KLHL2: variants seen among roughly 807,000 people sequenced by gnomAD.
KLHL2 encodes the protein kelch-like protein 2.
A neutral mutation model predicts 75.8 loss-of-function variants in KLHL2; 15 were observed. The ratio of observed to expected loss-of-function variants is 0.20; its 90% CI spans 0.13 to 0.30. The LOEUF is 0.30. KLHL2 is among the 10% of genes least tolerant of loss of function. KLHL2 has a pLI of 1.00. For missense variants in KLHL2, 381 were observed against 741.0 expected, an observed-to-expected ratio of 0.51 and a Z score of 5.64; for synonymous variants, 214 against 251.9, an observed-to-expected ratio of 0.85 and a Z score of 1.42.
rs1746828000 is a variant in KLHL2, at chr4:165,319,712, C to T, written c.1753+1743C>T. Among the ~76,000 whole-genome samples the T allele has an allele frequency of 6.6e-6, 1 of 152,100 alleles. No individual in the cohort carries two copies. Among genetic ancestry groups the T allele is most frequent in the Admixed American group, 6.5e-5 (1 of 15,272 alleles). ...TCTCAGATCACTGCAACCTCCGCCTCCCAGATTCAAACGATTCTCATGCCT... is the reference window on the plus strand; with the variant it reads ...TCTCAGATCACTGCAACCTCCGCCTTCCAGATTCAAACGATTCTCATGCCT... On this transcript the variant is annotated intron_variant, in intron 14 of 14. Transcript: ENST00000226725. The surrounding 1 kb of genome is among the most constrained non-coding windows in gnomAD (Gnocchi z 4.5).
At chr4:165,299,781 C>A in intron 8 of KLHL2, 125 bp downstream of exon 8, 1 of 787,678 alleles carries the variant, frequency 1.3e-6, no homozygotes, top group Non-Finnish European at 2.0e-6. Context: ...AGAAAATGTG[C>A]CTAAGAATGC....
chr4:165,294,703 G>A (rs1181719518), intron 6 of KLHL2, among the ~76,000 whole-genome samples: 4 of 152,106 alleles, frequency 2.6e-5, no homozygotes, highest in Non-Finnish European at 4.4e-5. Flanking sequence ...TTTGTGGGAG[G>A]TTCCCTAAAT....
intron 1 of KLHL2, among the ~76,000 whole-genome samples, chr4:165,214,228 A>G (rs1189716313): frequency 6.6e-6 from 1 of 152,202 alleles, no homozygotes; most frequent in Non-Finnish European, 1.5e-5. Context: ...AATAGTAGGA[A>G]GAGGGGCAAA....
At chr4:165,258,505 G>A (rs1476801900) in intron 4 of KLHL2, among the ~76,000 whole-genome samples, 1 of 151,974 alleles carries the variant, frequency 6.6e-6, no homozygotes, top group Admixed American at 6.6e-5. Context: ...ATTAGATGGT[G>A]GCTGGGGGTT....
intron 4 of KLHL2, among the ~76,000 whole-genome samples, chr4:165,248,735 A>G (rs1579037921): frequency 6.6e-6 from 1 of 152,236 alleles, no homozygotes; most frequent in African/African-American, 2.4e-5. Flanking sequence ...AGCAGATCCT[A>G]GCAAGTCTGC....
intron 5 of KLHL2, among the ~76,000 whole-genome samples, chr4:165,265,062 G>C (rs187075937): frequency 8.6e-5 from 13 of 151,822 alleles, no homozygotes; most frequent in African/African-American, 3.1e-4. Context: ...TTTAATAATA[G>C]CTATTCTGGT....
intron 4 of KLHL2, among the ~76,000 whole-genome samples, chr4:165,243,913 A>G (rs142172850): frequency 0.012 from 1,900 of 152,370 alleles, 35 homozygotes; most frequent in African/African-American, 0.043. Context: ...TGTGTACCCT[A>G]AATATTTTAA....
chr4:165,314,940 G>C (rs1176340968), intron 13 of KLHL2, among the ~76,000 whole-genome samples: 2 of 152,050 alleles, frequency 1.3e-5, no homozygotes. Context: ...CTCCATCAGC[G>C]CTCATCTTAG....
intron 1 of KLHL2, among the ~76,000 whole-genome samples, chr4:165,209,021 G>A (rs1737027960): frequency 6.6e-6 from 1 of 152,196 alleles, no homozygotes; most frequent in Non-Finnish European, 1.5e-5. Context: ...ATTCTGGAAC[G>A]ACAGTTTCTA....
At chr4:165,263,145 A>G (rs757239417) in intron 4 of KLHL2, 52 bp from the exon 5 acceptor site, 14 of 1,594,986 alleles carry the variant, frequency 8.8e-6, no homozygotes, top group Admixed American at 3.3e-5. Context: ...GTGGTCAAAG[A>G]GGCAGTGTTT....
At chr4:165,233,470 G>C (rs1419032799) in intron 3 of KLHL2, among the ~76,000 whole-genome samples, 1 of 151,862 alleles carries the variant, frequency 6.6e-6, no homozygotes, top group Non-Finnish European at 1.5e-5. Flanking sequence ...TGTGCTTTTT[G>C]ATTTCTTTTG....
chr4:165,210,197 T>A (rs1357924617), intron 1 of KLHL2: 1 of 1,550,658 alleles, frequency 6.4e-7, no homozygotes, highest in Non-Finnish European at 8.7e-7. Flanking sequence ...GTCTGTTTAT[T>A]AATTCATTCA....
intron 4 of KLHL2, among the ~76,000 whole-genome samples, chr4:165,243,394 T>C (rs554211588): frequency 8.7e-4 from 132 of 152,346 alleles, no homozygotes; most frequent in Middle Eastern, 3.4e-3. Flanking sequence ...CCTAAATTAA[T>C]ATTATGAGTA....
chr4:165,247,187 GTTTAC>G (rs1285169293), intron 4 of KLHL2, among the ~76,000 whole-genome samples: 4 of 152,138 alleles, frequency 2.6e-5, no homozygotes, highest in Non-Finnish European at 2.9e-5. Flanking sequence ...TCTGATTAGT[GTTTAC>G]TTTACTCAGA....
intron 13 of KLHL2, among the ~76,000 whole-genome samples, chr4:165,314,926 C>G (rs1422255543): frequency 6.6e-6 from 1 of 151,980 alleles, no homozygotes; most frequent in Non-Finnish European, 1.5e-5. Flanking sequence ...CATTGGACAC[C>G]CCCCTCCATC....
rs1003934708 is a variant in KLHL2 at position 165,322,806 on chromosome 4, A to G, written c.*746A>G. 1 of 152,664 alleles carries G rather than the reference A, an allele frequency of 6.6e-6. No individual in the cohort carries two copies. The highest frequency in any genetic ancestry group is 2.4e-5 in the African/African-American group (1 of 41,466). The allele number at this position is 152,664 out of a possible 1,614,324, so 9.5% of individuals were successfully genotyped here. Reference sequence around the variant, plus strand: ...TGTGTGATGCCAAACTTTTTAAAATACAATATAAATTATGCTTATTTATTA... The same window carrying G: ...TGTGTGATGCCAAACTTTTTAAAATGCAATATAAATTATGCTTATTTATTA... On this transcript the variant is annotated 3_prime_UTR_variant, in exon 15 of 15. Coordinates refer to ENST00000226725, the MANE Select transcript of KLHL2 (RefSeq NM_007246.4).
intron 3 of KLHL2, among the ~76,000 whole-genome samples, chr4:165,237,012 T>C (rs2111089100): frequency 6.7e-6 from 1 of 149,318 alleles, no homozygotes; most frequent in South Asian, 2.2e-4. Flanking sequence ...GAGTACTGGC[T>C]GTTTGGCTTT....
intron 5 of KLHL2, among the ~76,000 whole-genome samples, chr4:165,290,012 T>C (rs1243698812): frequency 6.6e-6 from 1 of 152,232 alleles, no homozygotes; most frequent in Admixed American, 6.5e-5. Flanking sequence ...TTATGTTAGC[T>C]TCTCTTTTGT....
chr4:165,238,954 A>T (rs867246904), intron 4 of KLHL2, 55 bp downstream of exon 4: 86 of 1,560,028 alleles, frequency 5.5e-5, no homozygotes, highest in Middle Eastern at 3.4e-4. Flanking sequence ...TTTTTTTAAT[A>T]AAAAAAGCAC....
Sources: allele counts gnomAD v4.1 joint callset (sites outside exome capture counted in the v4.1 genomes callset), GRCh38; gene constraint gnomAD v4.1.1; non-coding constraint Gnocchi (gnomAD v3.1); transcripts MANE v1.5; gene names NCBI Gene and HGNC (gene_info 2026-07-23, HGNC 2026-07-21).